Variants in GPC1 observed in about 807,000 individuals in gnomAD.
The protein encoded by GPC1 is glypican-1.
Under a neutral mutation model 51.5 loss-of-function variants are expected in GPC1, and 26 were observed. That is an observed-to-expected ratio of 0.50 (90% CI 0.37 to 0.70). The LOEUF is 0.70. Among genes scored for constraint, GPC1 ranks in the 30% least tolerant of loss-of-function variants. The probability of loss-of-function intolerance (pLI) is 0.00; values close to 1 mark genes in which losing one functional copy is unlikely to be tolerated. For missense variants in GPC1, 775 were observed against 800.5 expected (o/e 0.97, Z 0.38); for synonymous variants, 380 against 348.3 (o/e 1.09, Z -1.01).
At chr2:240,464,149 A>C (rs575975547) in intron 4 of GPC1, 11 of 216,662 alleles carry the variant, frequency 5.1e-5, no homozygotes, top group Admixed American at 4.0e-4. Context: ...AAAATGCATG[A>C]GCTTTACTTG....
At chr2:240,458,314 C>T in intron 1 of GPC1, 1 of 281,836 alleles carries the variant, frequency 3.5e-6, no homozygotes, top group Non-Finnish European at 7.4e-6. Context: ...GTGAAGCTGT[C>T]TCTGATGGCA....
At chr2:240,452,660 A>G (rs35392247) in intron 1 of GPC1, among the ~76,000 whole-genome samples, 83,377 of 151,700 alleles carry the variant, frequency 0.55, 23,616 homozygotes, top group African/African-American at 0.64. Flanking sequence ...GGCGGGCAGG[A>G]AGGCGGGCGC....
Position 240,464,689 on chromosome 2 carries a change from G to A in GPC1, c.957G>A (p.Thr319=), listed in dbSNP as rs768455587. 24 of 1,612,656 alleles carry A rather than the reference G, an allele frequency of 1.5e-5. No homozygotes were observed. The highest frequency in any genetic ancestry group is 5.5e-5 in the South Asian group (5 of 91,022). ...GVESVIGSVH[T]WLAEAINALQ... ...AGAGTGTCATCGGCAGCGTGCACAC[G>A]TGGCTGGCGGAGGCCATCAACGCCC... The change falls in exon 5 of 9, where the codon ACG becomes ACA. Residue 319 remains threonine, a synonymous_variant. Transcript: ENST00000264039.
chr2:240,444,364 C>A (rs111986256), intron 1 of GPC1, among the ~76,000 whole-genome samples: 27 of 152,338 alleles, frequency 1.8e-4, no homozygotes, highest in African/African-American at 6.5e-4. Flanking sequence ...TTGGCTGGGG[C>A]TTCCGGGGAC....
rs750197128 is a variant in GPC1 at position 240,463,362 on chromosome 2, G to C, written c.733G>C (p.Glu245Gln). ...TGCTCCCCAGGTCCCCCTGGGCCCG[G>C]AGTGCTCGAGAGCTGTCATGAAGCT... Reference protein sequence around the residue: ...RKVAQVPLGPECSRAVMKLVY... With the variant: ...RKVAQVPLGPQCSRAVMKLVY... The change falls in exon 4 of 9, where the codon GAG becomes CAG. Residue 245 changes from glutamate to glutamine, a missense_variant. Transcript: ENST00000264039. 1 of 1,612,780 alleles carries C rather than the reference G, an allele frequency of 6.2e-7. No individual in the cohort carries two copies. The highest frequency in any genetic ancestry group is 8.5e-7 in the Non-Finnish European group (1 of 1,179,860).
At chr2:240,437,530 C>T (rs978708044) in intron 1 of GPC1, among the ~76,000 whole-genome samples, 1 of 152,142 alleles carries the variant, frequency 6.6e-6, no homozygotes, top group African/African-American at 2.4e-5. Context: ...CAGAGGCAAC[C>T]CTGTCATTTC....
chr2:240,447,021 G>A (rs534146689), intron 1 of GPC1, among the ~76,000 whole-genome samples: 57 of 152,244 alleles, frequency 3.7e-4, no homozygotes, highest in African/African-American at 1.3e-3. Context: ...AGCCCAGCCT[G>A]GCATGGCCGA....
Position 240,466,191 on chromosome 2 carries a change from A to G in GPC1, c.1578A>G (p.Gly526=), listed in dbSNP as rs1042841. The G allele has an allele frequency of 0.1, 165,057 of 1,611,750 alleles. 9,084 individuals are homozygous for G. The highest frequency in any genetic ancestry group is 0.12 in the African/African-American group (8,629 of 74,916). Residue 526 remains glycine (G), a synonymous_variant, in exon 9 of 9, where the codon GGA becomes GGG. Transcript: ENST00000264039. ...TCCCAGGCCTGTCAGAGCAGGAAGG[A>G]CAGAAGACCTCGGCTGCCAGCTGCC... ...HALPGLSEQE[G]QKTSAASCPQ...
chr2:240,453,312 CCACCGCCCGCCCCG>C (rs2074120484), intron 1 of GPC1, among the ~76,000 whole-genome samples: 1 of 32,480 alleles, frequency 3.1e-5, no homozygotes, highest in African/African-American at 1.7e-4. Context: ...CGCCCCGCTC[CCACCGCCCGCCCCG>C]CTCCCACCGC....
At chr2:240,440,280 A>T (rs934131530) in intron 1 of GPC1, among the ~76,000 whole-genome samples, 2 of 152,192 alleles carry the variant, frequency 1.3e-5, no homozygotes, top group Non-Finnish European at 2.9e-5. Context: ...AGCGTTTCCC[A>T]TGACTGTCTG....
rs111376624 is a variant in GPC1, at chr2:240,467,504, G to C, written c.*1214G>C. The C allele has an allele frequency of 6.6e-6, 1 of 152,302 alleles. No individual in the cohort carries two copies. The highest frequency in any genetic ancestry group is 1.5e-5 in the Non-Finnish European group (1 of 68,086). The allele number at this position is 152,302 out of a possible 1,614,324, so 9.4% of individuals were successfully genotyped here. A position where few individuals can be genotyped will look rare whatever the true frequency, so the allele number is the denominator to read the frequency against. The stretch of plus-strand genomic sequence containing the variant: ...CTGAGGCCATCAGGGCCCTGCCCCA[G>C]GCCTGGACGGGCCCTCCTTCCCTCC... On this transcript the variant is annotated 3_prime_UTR_variant, in exon 9 of 9. Transcript: ENST00000264039.
chr2:240,464,174 G>A (rs71428441), intron 4 of GPC1: 10,623 of 229,200 alleles, frequency 0.046, 330 homozygotes, highest in South Asian at 0.084. Flanking sequence ...TGTGCTCACC[G>A]TGCACGCAAC....
At chr2:240,449,928 A>G (rs547111248) in intron 1 of GPC1, 25 of 469,906 alleles carry the variant, frequency 5.3e-5, no homozygotes, top group Non-Finnish European at 1.1e-4. Flanking sequence ...GCACCTACAG[A>G]CAGTTTGTGG....
intron 1 of GPC1, chr2:240,456,032 A>G: frequency 2.4e-6 from 1 of 422,276 alleles, no homozygotes; most frequent in Non-Finnish European, 4.8e-6. Context: ...CCGTGTCTTC[A>G]CTCCCGTGCT....
chr2:240,462,589 A>G lies in GPC1; in HGVS notation c.717+7A>G. ...GGTCCGGAAAGTGGCTCAGGTGCGC[A>G]CAGCCACCCAGGGCTCTCAGAAACC... On this transcript the variant is annotated splice_region_variant and intron_variant, in intron 3 of 8. Transcript: ENST00000264039. 1 of 1,512,722 alleles carries G rather than the reference A, an allele frequency of 6.6e-7. No homozygotes were observed. The highest frequency in any genetic ancestry group is 8.8e-7 in the Non-Finnish European group (1 of 1,135,314). The allele number at this position is 1,512,722 out of a possible 1,614,324, so 93.7% of individuals were successfully genotyped here. A position where few individuals can be genotyped will look rare whatever the true frequency, so the allele number is the denominator to read the frequency against.
chr2:240,453,530 G>T (rs1354381867), intron 1 of GPC1, among the ~76,000 whole-genome samples: 1 of 122,050 alleles, frequency 8.2e-6, no homozygotes, highest in Non-Finnish European at 1.7e-5. Context: ...GGCCGTCGCA[G>T]CCCTTCGAGC....
chr2:240,442,916 C>G (rs2074027446), intron 1 of GPC1, among the ~76,000 whole-genome samples: 1 of 152,242 alleles, frequency 6.6e-6, no homozygotes, highest in Non-Finnish European at 1.5e-5. Flanking sequence ...CCCCAGCCTG[C>G]CACTCACCCC....
Position 240,466,240 on chromosome 2 carries a change from C to A in GPC1, c.1627C>A (p.Pro543Thr). The stretch of plus-strand genomic sequence containing the variant: ...CCCCCAGCCCCCGACCTTCCTCCTG[C>A]CCCTCCTCCTCTTCCTGGCCCTTAC... ...SCPQPPTFLLPLLLFLALTVA... is the reference protein window; with the variant it reads ...SCPQPPTFLLTLLLFLALTVA... Residue 543 changes from proline to threonine, a missense_variant, in exon 9 of 9, where the codon CCC becomes ACC. Transcript: ENST00000264039. 1 of 1,611,640 alleles carries A rather than the reference C, an allele frequency of 6.2e-7. No homozygotes were observed. Among genetic ancestry groups the A allele is most frequent in the African/African-American group, 1.3e-5 (1 of 74,994 alleles).
chr2:240,466,252 T>C lies in GPC1; in HGVS notation c.1639T>C (p.Phe547Leu), dbSNP rs1226680739. 1 of 1,610,090 alleles carries C rather than the reference T, an allele frequency of 6.2e-7. No individual in the cohort carries two copies. Among genetic ancestry groups the C allele is most frequent in the Non-Finnish European group, 8.5e-7 (1 of 1,177,166 alleles). ...PPTFLLPLLLFLALTVARPRW... is the reference protein window; with the variant it reads ...PPTFLLPLLLLLALTVARPRW... ...GACCTTCCTCCTGCCCCTCCTCCTC[T>C]TCCTGGCCCTTACAGTAGCCAGGCC... Residue 547 changes from phenylalanine (F) to leucine (L), a missense_variant, in exon 9 of 9, where the codon TTC becomes CTC. Coordinates refer to ENST00000264039, the MANE Select transcript of GPC1 (RefSeq NM_002081.3).
Sources: allele counts gnomAD v4.1 joint callset (sites outside exome capture counted in the v4.1 genomes callset), GRCh38; gene constraint gnomAD v4.1.1; transcripts MANE v1.5; gene names NCBI Gene and HGNC (gene_info 2026-07-23, HGNC 2026-07-21).